SOX6: variants seen among roughly 807,000 people sequenced by gnomAD.
SOX6 encodes the protein transcription factor SOX-6.
SOX6 carries 11 observed loss-of-function variants against 97.8 expected under a neutral mutation model. The observed-to-expected ratio is 0.11, with a 90% confidence interval of 0.07 to 0.19. The LOEUF (loss-of-function observed/expected upper bound fraction) is 0.19, where lower values mean the gene tolerates loss of function less well. SOX6 is among the 10% of genes least tolerant of loss of function. The probability of loss-of-function intolerance (pLI) is 1.00; values close to 1 mark genes in which losing one functional copy is unlikely to be tolerated. For synonymous variants in SOX6, 360 were observed against 371.4 expected (o/e 0.97, Z 0.35); for missense variants, 810 against 1,039.5 (o/e 0.78, Z 3.04).
intron 1 of SOX6, among the ~76,000 whole-genome samples, chr11:16,371,025 C>T (rs1857482195): frequency 6.6e-6 from 1 of 152,132 alleles, no homozygotes; most frequent in Non-Finnish European, 1.5e-5. Context: ...CACTTCTTTG[C>T]TCAAAATGTT....
intron 4 of SOX6, among the ~76,000 whole-genome samples, chr11:16,495,720 C>T (rs1430710374): frequency 1.3e-5 from 2 of 152,202 alleles, no homozygotes; most frequent in Non-Finnish European, 1.5e-5. Context: ...CTTCCACCCA[C>T]TCAGGCCACC....
At chr11:16,036,366 A>C (rs1019462519) in intron 12 of SOX6, among the ~76,000 whole-genome samples, 2 of 152,204 alleles carry the variant, frequency 1.3e-5, no homozygotes, top group Non-Finnish European at 2.9e-5. Flanking sequence ...GGTGTGAGCC[A>C]CTGCACCCGG....
intron 3 of SOX6, among the ~76,000 whole-genome samples, chr11:16,268,497 T>C (rs548304149): frequency 1.3e-5 from 2 of 151,262 alleles, no homozygotes; most frequent in South Asian, 2.1e-4. Context: ...ATATGATATA[T>C]GATGATACGA....
In SOX6 at chr11:15,969,272, G is replaced by A. The variant is rs1041484606; in HGVS notation, c.*3537C>T. On this transcript the variant is annotated 3_prime_UTR_variant, in exon 16 of 16. Coordinates refer to ENST00000683767, the MANE Select transcript of SOX6 (RefSeq NM_001367873.1). ...TGAATCTAAACTGACATGACGGGACGTTTATTAACGGCCGATCTCAGAGGT... is the reference window on the plus strand; with the variant it reads ...TGAATCTAAACTGACATGACGGGACATTTATTAACGGCCGATCTCAGAGGT... The A allele has an allele frequency of 3.9e-5, 6 of 152,096 alleles. No individual in the cohort carries two copies. The highest frequency in any genetic ancestry group is 2.6e-4 in the Admixed American group (4 of 15,254). 9.4% of individuals were successfully genotyped at this position (152,096 alleles called of 1,614,324 possible).
At chr11:16,016,093 G>GAAAC (rs1220339147) in intron 12 of SOX6, among the ~76,000 whole-genome samples, 2 of 151,994 alleles carry the variant, frequency 1.3e-5, no homozygotes, top group South Asian at 4.1e-4. Flanking sequence ...GCATTAGATG[G>GAAAC]AAACACTCTG....
intron 12 of SOX6, among the ~76,000 whole-genome samples, chr11:16,038,970 G>T (rs2133896032): frequency 6.6e-6 from 1 of 152,240 alleles, no homozygotes; most frequent in African/African-American, 2.4e-5. Context: ...TGTCTCTTCT[G>T]AGAAGCTGTT....
intron 6 of SOX6, among the ~76,000 whole-genome samples, chr11:16,127,065 C>A (rs1176570943): frequency 6.6e-6 from 1 of 152,024 alleles, no homozygotes; most frequent in Non-Finnish European, 1.5e-5. Context: ...ATATTTATTG[C>A]AAATTCTTAT....
chr11:16,274,879 T>G (rs1489617194), intron 3 of SOX6, among the ~76,000 whole-genome samples: 1 of 152,116 alleles, frequency 6.6e-6, no homozygotes, highest in Non-Finnish European at 1.5e-5. Context: ...ACCTTATTAT[T>G]ATGTCATTAA....
At chr11:16,662,513 A>C (rs1847773401) in intron 3 of SOX6, among the ~76,000 whole-genome samples, 1 of 152,216 alleles carries the variant, frequency 6.6e-6, no homozygotes, top group Non-Finnish European at 1.5e-5. Context: ...ACATTGGCAA[A>C]TCAAATCCAA....
At chr11:16,171,038 T>C (rs1019113142) in intron 6 of SOX6, among the ~76,000 whole-genome samples, 26 of 152,034 alleles carry the variant, frequency 1.7e-4, no homozygotes, top group Admixed American at 1.2e-3. Flanking sequence ...TTAAAATAAA[T>C]ACTTCATTTA....
intron 13 of SOX6, among the ~76,000 whole-genome samples, chr11:16,013,192 T>C (rs1854781993): frequency 6.6e-6 from 1 of 151,998 alleles, no homozygotes; most frequent in South Asian, 2.1e-4. Flanking sequence ...ACAGCGCGGG[T>C]AAGGTGACAG....
chr11:16,438,873 C>A (rs1199383967), intron 1 of SOX6, among the ~76,000 whole-genome samples: 1 of 152,168 alleles, frequency 6.6e-6, no homozygotes, highest in Non-Finnish European at 1.5e-5. Context: ...CCTCTTCCAG[C>A]TCCTACCCTT....
intron 4 of SOX6, among the ~76,000 whole-genome samples, chr11:16,567,787 G>GGC (rs1847891699): frequency 6.8e-6 from 1 of 147,474 alleles, no homozygotes; most frequent in Non-Finnish European, 1.5e-5. Flanking sequence ...ATGTTGGTCA[G>GGC]GCTTGTCTCG....
intron 9 of SOX6, among the ~76,000 whole-genome samples, chr11:16,087,573 GA>G (rs1312062923): frequency 6.6e-6 from 1 of 151,940 alleles, no homozygotes; most frequent in Non-Finnish European, 1.5e-5. Context: ...GTTCTAGCCA[GA>G]AGTGACTGGC....
intron 3 of SOX6, among the ~76,000 whole-genome samples, chr11:16,618,443 T>C (rs1848498429): frequency 6.6e-6 from 1 of 151,952 alleles, no homozygotes. Context: ...AAGTAATTTT[T>C]AGAAAGTGAA....
intron 3 of SOX6, among the ~76,000 whole-genome samples, chr11:16,637,467 C>A (rs1848807710): frequency 1.3e-5 from 2 of 152,164 alleles, no homozygotes; most frequent in South Asian, 4.1e-4. Context: ...GATCTGCCCG[C>A]CTCAGCCTCC....
chr11:16,427,591 G>C (rs1859171863), intron 1 of SOX6, among the ~76,000 whole-genome samples: 1 of 149,580 alleles, frequency 6.7e-6, no homozygotes, highest in Non-Finnish European at 1.5e-5. Context: ...TTGGTTTTTT[G>C]TCCTTGCAAT....
At chr11:16,271,016 TTTATG>T (rs764703268) in intron 3 of SOX6, among the ~76,000 whole-genome samples, 2 of 151,390 alleles carry the variant, frequency 1.3e-5, no homozygotes, top group Non-Finnish European at 3.0e-5. Flanking sequence ...AACTGTAACT[TTTATG>T]TTATATTTAT....
At chr11:16,140,429 A>G (rs999253858) in intron 6 of SOX6, among the ~76,000 whole-genome samples, 2 of 152,200 alleles carry the variant, frequency 1.3e-5, no homozygotes, top group African/African-American at 2.4e-5. Flanking sequence ...TAGTAGAAAG[A>G]TCACAAGTTT....
Sources: allele counts gnomAD v4.1 joint callset (sites outside exome capture counted in the v4.1 genomes callset), GRCh38; gene constraint gnomAD v4.1.1; transcripts MANE v1.5; gene names NCBI Gene and HGNC (gene_info 2026-07-23, HGNC 2026-07-21).